The following BANK1 variants were observed in gnomAD, a reference collection of about 807,000 sequenced individuals.
The protein encoded by BANK1 is B cell scaffold protein with ankyrin repeats 1.
Under a neutral mutation model 94.5 loss-of-function variants are expected in BANK1, and 95 were observed. The ratio of observed to expected loss-of-function variants is 1.00; its 90% CI spans 0.85 to 1.19. BANK1 has a LOEUF of 1.19. BANK1 is among the 50% of genes most tolerant of loss of function. The pLI is 0.00. For missense variants in BANK1, 987 were observed against 932.2 expected (o/e 1.06, Z -0.77); for synonymous variants, 334 against 308.4 (o/e 1.08, Z -0.87).
At chr4:102,026,519 A>G (rs1727102784) in intron 9 of BANK1, among the ~76,000 whole-genome samples, 1 of 152,024 alleles carries the variant, frequency 6.6e-6, no homozygotes. Flanking sequence ...CAAAAAGTAA[A>G]TTTTTACGCA....
intron 7 of BANK1, among the ~76,000 whole-genome samples, chr4:101,929,929 G>A (rs532938327): frequency 4.8e-4 from 72 of 151,342 alleles, no homozygotes; most frequent in Non-Finnish European, 8.9e-4. Flanking sequence ...TCAATATCAC[G>A]TTATATAAAT....
In BANK1 at chr4:102,035,368, G is replaced by T. The variant is rs969687542; in HGVS notation, c.1900+5103G>T. ...TTAATGCAAAACTGAACCCATGTTG[G>T]CCAGGCACGGTGGCTCACGCCTGTA... On this transcript the variant is annotated intron_variant, in intron 10 of 16. Transcript: ENST00000322953. 7.2e-5 allele frequency among the ~76,000 whole-genome samples: 11 copies of T among 151,726 alleles called. No individual in the cohort carries two copies. In the South Asian group the frequency reaches 1.0e-3, roughly 14 times the overall value.
intron 5 of BANK1, among the ~76,000 whole-genome samples, chr4:101,872,741 C>G (rs111374580): frequency 2.9e-4 from 44 of 152,088 alleles, no homozygotes; most frequent in African/African-American, 9.9e-4. Context: ...GGTCTCAGTA[C>G]TTTAGGAGTT....
At chr4:102,055,248 T>C (rs1266710510) in intron 11 of BANK1, among the ~76,000 whole-genome samples, 2 of 152,008 alleles carry the variant, frequency 1.3e-5, no homozygotes, top group Non-Finnish European at 1.5e-5. Flanking sequence ...AGTAGAACTA[T>C]TAATGTACTA....
At chr4:102,073,231 A>G (rs900063542) in intron 15 of BANK1, among the ~76,000 whole-genome samples, 3 of 129,966 alleles carry the variant, frequency 2.3e-5, no homozygotes, top group Non-Finnish European at 5.3e-5. Flanking sequence ...GTGTATGTGC[A>G]TATATGTATA....
Position 101,951,576 on chromosome 4 carries a change from T to G in BANK1, c.1206+33387T>G, listed in dbSNP as rs571166499. Among the ~76,000 whole-genome samples, 12 of 152,264 alleles carry G rather than the reference T, an allele frequency of 7.9e-5. No individual in the cohort carries two copies. In the East Asian group the frequency reaches 2.3e-3, roughly 29 times the overall value. ...TTTTGTAATTCAAAGGATCTTAGAT[T>G]AGACTGTTTCTTTGTAAGAAAAACA... On this transcript the variant is annotated intron_variant, in intron 7 of 16. Transcript: ENST00000322953.
intron 7 of BANK1, among the ~76,000 whole-genome samples, chr4:102,017,954 C>G (rs1726767055): frequency 6.6e-6 from 1 of 152,078 alleles, no homozygotes; most frequent in Non-Finnish European, 1.5e-5. Context: ...TAATTTTACA[C>G]TCAGCATTTC....
At chr4:101,852,816 C>A (rs1727539936) in intron 2 of BANK1, among the ~76,000 whole-genome samples, 4 of 151,984 alleles carry the variant, frequency 2.6e-5, no homozygotes, top group East Asian at 3.9e-4. Flanking sequence ...AGAGATAAAT[C>A]TTTTTGTACA....
At chr4:102,055,347 T>TA in intron 11 of BANK1, among the ~76,000 whole-genome samples, 1 of 152,062 alleles carries the variant, frequency 6.6e-6, no homozygotes, top group African/African-American at 2.4e-5. Context: ...AAAAATCTTA[T>TA]AAAATAGAAA....
intron 7 of BANK1, among the ~76,000 whole-genome samples, chr4:101,976,010 A>T (rs1725114352): frequency 6.6e-6 from 1 of 152,026 alleles, no homozygotes; most frequent in Non-Finnish European, 1.5e-5. Flanking sequence ...TCCTCCCCAA[A>T]CCAGGGGAAG....
intron 1 of BANK1, among the ~76,000 whole-genome samples, chr4:101,826,546 C>T (rs1470072426): frequency 2.0e-5 from 3 of 151,864 alleles, no homozygotes; most frequent in Non-Finnish European, 4.4e-5. Context: ...CCAGCTTATT[C>T]TGGCTATATG....
chr4:101,929,549 CAA>C (rs1162657123), intron 7 of BANK1, among the ~76,000 whole-genome samples: 9 of 151,500 alleles, frequency 5.9e-5, no homozygotes, highest in Non-Finnish European at 1.3e-4. Context: ...ATGTAGGAAA[CAA>C]TATTTATCAA....
intron 7 of BANK1, among the ~76,000 whole-genome samples, chr4:101,932,321 G>A (rs1289770483): frequency 2.0e-5 from 3 of 151,444 alleles, no homozygotes; most frequent in Non-Finnish European, 4.4e-5. Context: ...TTTGAATAAT[G>A]TTTTTATATA....
At chr4:101,798,613 C>T (rs927056530) in intron 1 of BANK1, among the ~76,000 whole-genome samples, 4 of 152,198 alleles carry the variant, frequency 2.6e-5, no homozygotes, top group Non-Finnish European at 5.9e-5. Context: ...CATATCCTCT[C>T]CAGCATCTGT....
intron 1 of BANK1, among the ~76,000 whole-genome samples, chr4:101,800,574 A>G (rs980757685): frequency 2.0e-5 from 3 of 152,130 alleles, no homozygotes; most frequent in Non-Finnish European, 4.4e-5. Context: ...GCATTTGCTT[A>G]GTAGTTACTG....
At chr4:101,959,794 C>T (rs183066851) in intron 7 of BANK1, among the ~76,000 whole-genome samples, 93 of 152,142 alleles carry the variant, frequency 6.1e-4, no homozygotes, top group East Asian at 3.9e-3. Context: ...GCTACGTTGA[C>T]GAGAAGAAAT....
chr4:101,848,140 G>A (rs1727327916), intron 2 of BANK1, among the ~76,000 whole-genome samples: 2 of 152,174 alleles, frequency 1.3e-5, no homozygotes, highest in Admixed American at 6.5e-5. Flanking sequence ...TCTCCAGTGG[G>A]GCTGTGTGTT....
intron 6 of BANK1, among the ~76,000 whole-genome samples, chr4:101,898,933 C>A (rs1395590826): frequency 6.6e-6 from 1 of 151,858 alleles, no homozygotes; most frequent in Admixed American, 6.6e-5. Flanking sequence ...TGTATCATGG[C>A]TCTACAGAGA....
chr4:101,796,277 T>C (rs547753003), intron 1 of BANK1, among the ~76,000 whole-genome samples: 3 of 152,262 alleles, frequency 2.0e-5, no homozygotes, highest in Middle Eastern at 3.4e-3. Flanking sequence ...GTTTATAGTA[T>C]CCTTACATGA....
Sources: gnomAD v4.1 joint callset for allele counts (sites outside exome capture counted in the v4.1 genomes callset) on GRCh38, gnomAD v4.1.1 for gene constraint, MANE v1.5 for transcripts, NCBI Gene and HGNC (gene_info 2026-07-23, HGNC 2026-07-21) for gene names.